The following NME8 variants were observed in gnomAD, a reference collection of about 807,000 sequenced individuals.
NME8 encodes the protein protein NME8.
In NME8, 72 loss-of-function variants were observed where a neutral mutation model predicts 82.3. The ratio of observed to expected loss-of-function variants is 0.87; its 90% CI spans 0.72 to 1.06. The LOEUF is 1.06. NME8 is among the 50% of genes least tolerant of loss of function. The probability of loss-of-function intolerance (pLI) is 0.00; values close to 1 mark genes in which losing one functional copy is unlikely to be tolerated. For synonymous variants in NME8, 267 were observed against 228.5 expected, an observed-to-expected ratio of 1.17 and a Z score of -1.52; for missense variants, 712 against 685.4, an observed-to-expected ratio of 1.04 and a Z score of -0.43.
chr7:37,850,596 C>G lies in NME8; in HGVS notation c.92-33C>G, dbSNP rs373621005. 21 of 1,557,636 alleles carry G rather than the reference C, an allele frequency of 1.3e-5. No individual in the cohort carries two copies. The African/African-American group carries it at 2.6e-4, about 19-fold the overall frequency. On this transcript the variant is annotated intron_variant, in intron 4 of 17. Coordinates refer to ENST00000199447, the MANE Select transcript of NME8 (RefSeq NM_016616.5). ...ATAACTGCTATCCTAGATTGGTAGACTTTGTTATTTCATAAATATCATCAT... is the reference window on the plus strand; with the variant it reads ...ATAACTGCTATCCTAGATTGGTAGAGTTTGTTATTTCATAAATATCATCAT...
intron 17 of NME8, among the ~76,000 whole-genome samples, chr7:37,897,571 T>C (rs1785249329): frequency 6.6e-6 from 1 of 152,086 alleles, no homozygotes; most frequent in South Asian, 2.1e-4. Context: ...AAAAATAGGA[T>C]GCATGCGCAG....
intron 10 of NME8, among the ~76,000 whole-genome samples, chr7:37,867,071 C>T (rs1248183416): frequency 6.6e-6 from 1 of 152,152 alleles, no homozygotes; most frequent in Non-Finnish European, 1.5e-5. Flanking sequence ...TGCGTTTTTA[C>T]ATAAACAACT....
Position 37,877,024 on chromosome 7 carries a change from A to G in NME8, c.994+17A>G. On this transcript the variant is annotated intron_variant, in intron 12 of 17. Coordinates refer to ENST00000199447, the MANE Select transcript of NME8 (RefSeq NM_016616.5). The stretch of plus-strand genomic sequence containing the variant: ...AAAGGAAAGGTAGGGAATCAAGCAT[A>G]AATTGTTTAAGTATTTTATATAGAT... 6.3e-7 allele frequency: 1 copy of G among 1,598,326 alleles called. No homozygotes were observed.
chr7:37,886,924 G>A (rs1785049669), intron 14 of NME8, among the ~76,000 whole-genome samples: 2 of 151,872 alleles, frequency 1.3e-5, no homozygotes, highest in South Asian at 4.2e-4. Flanking sequence ...AGAGAGAAAA[G>A]AAGAGGATCT....
At chr7:37,877,213 G>C (rs1385468660) in intron 12 of NME8, among the ~76,000 whole-genome samples, 1 of 152,172 alleles carries the variant, frequency 6.6e-6, no homozygotes, top group African/African-American at 2.4e-5. Context: ...TTTCTAATCT[G>C]TGAATTTGTT....
rs191871958 is a variant in NME8 at position 37,888,549 on chromosome 7, A to G, written c.1399+121A>G. The G allele has an allele frequency of 3.4e-5, 28 of 825,582 alleles. No homozygotes were observed. The East Asian group carries it at 6.4e-4, about 19-fold the overall frequency. The allele number at this position is 825,582 out of a possible 1,614,324, so 51.1% of individuals were successfully genotyped here. Reference sequence around the variant, plus strand: ...AAAATTCCAAAAAAGAAAAGTTGCGATGAGTACTCCTATCCTTCATTTAGA... The same window carrying G: ...AAAATTCCAAAAAAGAAAAGTTGCGGTGAGTACTCCTATCCTTCATTTAGA... On this transcript the variant is annotated intron_variant, in intron 15 of 17. Transcript: ENST00000199447.
intron 17 of NME8, among the ~76,000 whole-genome samples, chr7:37,897,547 A>G (rs1785248924): frequency 6.6e-6 from 1 of 152,140 alleles, no homozygotes; most frequent in South Asian, 2.1e-4. Flanking sequence ...AACAAAACAA[A>G]CCAAACCAAA....
intron 12 of NME8, among the ~76,000 whole-genome samples, chr7:37,882,995 G>A (rs934821439): frequency 2.0e-5 from 3 of 152,140 alleles, no homozygotes; most frequent in African/African-American, 7.2e-5. Context: ...CCGTTGGACG[G>A]TGAGGACCCT....
Position 37,850,308 on chromosome 7 carries a change from G to A in NME8, c.33+9G>A. 6.2e-7 allele frequency: 1 copy of A among 1,614,140 alleles called. No homozygotes were observed. Among genetic ancestry groups the A allele is most frequent in the Non-Finnish European group, 8.5e-7 (1 of 1,179,966 alleles). ...GAGAAGTCCAGTTACAGGTGGGTCT[G>A]ACATATCAACAATTCTTTATCTGGT... is the stretch of plus-strand genomic sequence containing the variant. On this transcript the variant is annotated intron_variant, in intron 3 of 17. Coordinates refer to ENST00000199447, the MANE Select transcript of NME8 (RefSeq NM_016616.5).
chr7:37,850,495 C>T, intron 4 of NME8, 60 bp downstream of exon 4: 2 of 1,587,248 alleles, frequency 1.3e-6, no homozygotes, highest in South Asian at 2.2e-5. Flanking sequence ...CCTCCTGGCA[C>T]CCTGTCCCTC....
chr7:37,870,113 C>T (rs914274592), intron 11 of NME8, among the ~76,000 whole-genome samples: 4 of 152,070 alleles, frequency 2.6e-5, no homozygotes, highest in African/African-American at 9.7e-5. Context: ...TCCCTGCTCC[C>T]ATTACCTGTT....
At chr7:37,892,804 T>C (rs1656565741) in intron 15 of NME8, among the ~76,000 whole-genome samples, 1 of 152,066 alleles carries the variant, frequency 6.6e-6, no homozygotes, top group Non-Finnish European at 1.5e-5. Flanking sequence ...TGATTTATGA[T>C]TTTTTTAATG....
chr7:37,863,131 A>T lies in NME8; in HGVS notation c.388-265A>T, dbSNP rs13239779. On this transcript the variant is annotated intron_variant, in intron 7 of 17. Coordinates refer to ENST00000199447, the MANE Select transcript of NME8 (RefSeq NM_016616.5). ...CAAGACTCCTACTCAAAAAAAATTT[A>T]AAAAAAATTTAAAAAATTAAGGTTT... Among the ~76,000 whole-genome samples, 6,493 of 152,156 alleles carry T rather than the reference A, an allele frequency of 0.043. 445 individuals are homozygous for T. The highest frequency in any genetic ancestry group is 0.31 in the East Asian group (1,580 of 5,170).
At chr7:37,894,633 T>C in intron 16 of NME8, 23 bp downstream of exon 16, 7 of 1,544,366 alleles carry the variant, frequency 4.5e-6, no homozygotes, top group Non-Finnish European at 6.2e-6. Context: ...TACATAATTG[T>C]TTGCATTATA....
At chr7:37,894,755 T>C in intron 16 of NME8, 145 bp downstream of exon 16, 1 of 871,684 alleles carries the variant, frequency 1.1e-6, no homozygotes, top group Non-Finnish European at 1.7e-6. Context: ...GGTTCATCTT[T>C]TTTCTATTTC....
intron 12 of NME8, among the ~76,000 whole-genome samples, chr7:37,878,781 CAT>C (rs1172005575): frequency 6.6e-5 from 10 of 152,128 alleles, no homozygotes; most frequent in Non-Finnish European, 1.5e-4. Context: ...ACAGAGTTCC[CAT>C]ATACCTGCTC....
chr7:37,849,031 C>A lies in NME8; in HGVS notation c.-33C>A, dbSNP rs1784401187. 1 of 152,284 alleles carries A rather than the reference C, an allele frequency of 6.6e-6. No homozygotes were observed. Among genetic ancestry groups the A allele is most frequent in the Admixed American group, 6.5e-5 (1 of 15,292 alleles). The allele number at this position is 152,284 out of a possible 1,614,324, so 9.4% of individuals were successfully genotyped here. ...CTTCCTTTTCTTTAAACGTCCCAGT[C>A]TAGCTTAGAGGAGGACCTGTTTTGT... On this transcript the variant is annotated 5_prime_UTR_variant, in exon 2 of 18. Coordinates refer to ENST00000199447, the MANE Select transcript of NME8 (RefSeq NM_016616.5).
chr7:37,870,811 G>A (rs531960092), intron 11 of NME8, among the ~76,000 whole-genome samples: 3 of 152,144 alleles, frequency 2.0e-5, no homozygotes, highest in Admixed American at 6.5e-5. Context: ...GTTGATGCCC[G>A]TTGGTTTTTC....
chr7:37,882,597 A>AAGAAAG (rs1554365622), intron 12 of NME8, among the ~76,000 whole-genome samples: 910 of 82,846 alleles, frequency 0.011, 4 homozygotes, highest in South Asian at 0.028. Flanking sequence ...GAAAGAAAGA[A>AAGAAAG]AGAGAGAGAG....
Sources: allele counts gnomAD v4.1 joint callset (sites outside exome capture counted in the v4.1 genomes callset), GRCh38; gene constraint gnomAD v4.1.1; transcripts MANE v1.5; gene names NCBI Gene and HGNC (gene_info 2026-07-23, HGNC 2026-07-21).